ZFPM2: variants seen among roughly 807,000 people sequenced by gnomAD.
The protein encoded by ZFPM2 is zinc finger protein, FOG family member 2, also known as zinc finger protein ZFPM2.
ZFPM2 carries 20 observed loss-of-function variants against 98.6 expected under a neutral mutation model. The ratio of observed to expected loss-of-function variants is 0.20; its 90% CI spans 0.14 to 0.29. ZFPM2 has a LOEUF of 0.29. ZFPM2 is among the 10% of genes least tolerant of loss of function. The pLI, the probability that ZFPM2 is intolerant of heterozygous loss-of-function variation, is 1.00. For synonymous variants in ZFPM2, 518 were observed against 502.7 expected, an observed-to-expected ratio of 1.03 and a Z score of -0.41; for missense variants, 1,310 against 1,388.6, an observed-to-expected ratio of 0.94 and a Z score of 0.90.
At chr8:105,542,362 G>A (rs1003340614) in intron 3 of ZFPM2, among the ~76,000 whole-genome samples, 3 of 152,074 alleles carry the variant, frequency 2.0e-5, no homozygotes, top group South Asian at 2.1e-4. Context: ...TATCTATAGC[G>A]AGATGTGTTA....
chr8:105,388,908 A>G (rs1240120327), intron 1 of ZFPM2, among the ~76,000 whole-genome samples: 1 of 152,110 alleles, frequency 6.6e-6, no homozygotes, highest in Admixed American at 6.6e-5. Context: ...GATACACTGT[A>G]GCAATAGTCC....
At chr8:105,727,033 C>G (rs1234760554) in intron 5 of ZFPM2, among the ~76,000 whole-genome samples, 1 of 151,514 alleles carries the variant, frequency 6.6e-6, no homozygotes, top group Non-Finnish European at 1.5e-5. Context: ...TTATGCCAGG[C>G]TAAGGTGGAG....
intron 5 of ZFPM2, among the ~76,000 whole-genome samples, chr8:105,673,353 C>T (rs1440677332): frequency 6.6e-6 from 1 of 151,700 alleles, no homozygotes; most frequent in Non-Finnish European, 1.5e-5. Flanking sequence ...ATGAAGTCTA[C>T]ACAGAGGTAT....
Position 105,794,749 on chromosome 8 carries a change from C to T in ZFPM2, c.740-3975C>T, listed in dbSNP as rs569590765. ...TGGGCTCCACCCAGTTGGAGCTTCC[C>T]GGCTGCTTTGTTTACCTAAGCAAGC... On this transcript the variant is annotated intron_variant, in intron 6 of 7. Coordinates refer to ENST00000407775, the MANE Select transcript of ZFPM2 (RefSeq NM_012082.4). Among the ~76,000 whole-genome samples the T allele has an allele frequency of 3.7e-4, 57 of 152,332 alleles. No individual in the cohort carries two copies. The South Asian group carries it at 0.011, about 28-fold the overall frequency.
rs926986010 is a variant in ZFPM2, at chr8:105,510,417, G to A, written c.302-50946G>A. Among the ~76,000 whole-genome samples the A allele has an allele frequency of 5.3e-4, 68 of 128,522 alleles. No homozygotes were observed. The South Asian group carries it at 0.014, about 27-fold the overall frequency. 84.3% of individuals were successfully genotyped at this position (128,522 alleles called of 152,430 possible). ...GTGCATGTTTTTTTTTTTTTTGTTTGTTTGTTTGTTTCCAAGGAATTGCTT... is the reference window on the plus strand; with the variant it reads ...GTGCATGTTTTTTTTTTTTTTGTTTATTTGTTTGTTTCCAAGGAATTGCTT... On this transcript the variant is annotated intron_variant, in intron 3 of 7. Transcript: ENST00000407775.
At chr8:105,422,884 C>G (rs1811832470) in intron 2 of ZFPM2, among the ~76,000 whole-genome samples, 1 of 152,124 alleles carries the variant, frequency 6.6e-6, no homozygotes, top group Admixed American at 6.5e-5. Context: ...AACTACATTT[C>G]TGAAGACATA....
chr8:105,477,867 A>G (rs559451205), intron 3 of ZFPM2, among the ~76,000 whole-genome samples: 24 of 152,248 alleles, frequency 1.6e-4, no homozygotes, highest in African/African-American at 5.5e-4. Context: ...TGAGTCTCTA[A>G]CTTACTTTAA....
chr8:105,609,253 C>G (rs1450168), intron 4 of ZFPM2, among the ~76,000 whole-genome samples: 35,225 of 151,744 alleles, frequency 0.23, 4,390 homozygotes, highest in South Asian at 0.36. Context: ...AGCATGGAGG[C>G]AAGCCAGGAG....
In ZFPM2 at chr8:105,673,207, T is replaced by A. The variant is rs1342215693; in HGVS notation, c.532+38850T>A. ...GCATGCTTTTTTTTTTTTTTTTTTTTACCGATCGTACTTACTTATATACCT... is the reference window on the plus strand; with the variant it reads ...GCATGCTTTTTTTTTTTTTTTTTTTAACCGATCGTACTTACTTATATACCT... On this transcript the variant is annotated intron_variant, in intron 5 of 7. Transcript: ENST00000407775. 6.7e-5 allele frequency among the ~76,000 whole-genome samples: 10 copies of A among 149,152 alleles called. No homozygotes were observed. The East Asian group carries it at 1.6e-3, about 23-fold the overall frequency.
chr8:105,492,468 G>GT (rs1436186333), intron 3 of ZFPM2, among the ~76,000 whole-genome samples: 1 of 152,086 alleles, frequency 6.6e-6, no homozygotes, highest in Non-Finnish European at 1.5e-5. Context: ...TTAGACATCT[G>GT]TTTCACTTCT....
intron 5 of ZFPM2, among the ~76,000 whole-genome samples, chr8:105,707,250 A>AG (rs1259468285): frequency 1.2e-3 from 179 of 148,270 alleles, no homozygotes; most frequent in Admixed American, 3.7e-3. Context: ...TCAAAAAAAA[A>AG]AAAAAGAAAA....
intron 5 of ZFPM2, among the ~76,000 whole-genome samples, chr8:105,698,536 T>A (rs1811071429): frequency 6.6e-6 from 1 of 152,222 alleles, no homozygotes; most frequent in Admixed American, 6.5e-5. Flanking sequence ...AATATATTAA[T>A]TTGAATTTTT....
chr8:105,449,545 A>G (rs532383420), intron 3 of ZFPM2, among the ~76,000 whole-genome samples: 12 of 152,172 alleles, frequency 7.9e-5, no homozygotes, highest in African/African-American at 2.6e-4. Context: ...TTTTTGTATT[A>G]TACATTTTCA....
intron 5 of ZFPM2, among the ~76,000 whole-genome samples, chr8:105,648,914 G>C (rs1817110908): frequency 1.3e-5 from 2 of 152,142 alleles, no homozygotes; most frequent in Non-Finnish European, 2.9e-5. Flanking sequence ...ATTCTGTGAA[G>C]ACAGTCATTG....
chr8:105,701,899 T>C (rs559755514), intron 5 of ZFPM2, among the ~76,000 whole-genome samples: 28 of 152,364 alleles, frequency 1.8e-4, no homozygotes, highest in Non-Finnish European at 3.1e-4. Flanking sequence ...GCTTGCACTA[T>C]AGCAGTCTTT....
intron 4 of ZFPM2, among the ~76,000 whole-genome samples, chr8:105,563,207 T>C (rs1815175779): frequency 1.3e-5 from 2 of 152,142 alleles, no homozygotes; most frequent in Admixed American, 1.3e-4. Context: ...ATGAAGGAAA[T>C]CCCTTCTTCA....
intron 5 of ZFPM2, among the ~76,000 whole-genome samples, chr8:105,646,093 G>A (rs898830710): frequency 7.3e-5 from 11 of 151,100 alleles, no homozygotes; most frequent in African/African-American, 2.7e-4. Flanking sequence ...ACATGCATAT[G>A]CATAAATGAG....
chr8:105,366,146 CAT>C (rs1485425227), intron 1 of ZFPM2, among the ~76,000 whole-genome samples: 1 of 152,106 alleles, frequency 6.6e-6, no homozygotes, highest in Non-Finnish European at 1.5e-5. Flanking sequence ...TGCAGAATGA[CAT>C]ATTGACTTGT....
At chr8:105,328,445 G>T (rs1399875702) in intron 1 of ZFPM2, among the ~76,000 whole-genome samples, 1 of 151,766 alleles carries the variant, frequency 6.6e-6, no homozygotes, top group Non-Finnish European at 1.5e-5. Context: ...TTGCTTTTGT[G>T]TAGAAATTAT....
Sources: gnomAD v4.1 joint callset for allele counts (sites outside exome capture counted in the v4.1 genomes callset) on GRCh38, gnomAD v4.1.1 for gene constraint, MANE v1.5 for transcripts, NCBI Gene and HGNC (gene_info 2026-07-23, HGNC 2026-07-21) for gene names.